CPA6: variants seen among roughly 807,000 people sequenced by gnomAD.
CPA6 encodes the protein carboxypeptidase A6.
A neutral mutation model predicts 63.3 loss-of-function variants in CPA6; 58 were observed. The ratio of observed to expected loss-of-function variants is 0.92; its 90% CI spans 0.74 to 1.14. The LOEUF (loss-of-function observed/expected upper bound fraction) is 1.14. Ranked by LOEUF, CPA6 falls within the 50% of genes most tolerant of loss-of-function variation. CPA6 has a pLI of 0.00. For missense variants in CPA6, 565 were observed against 526.6 expected (o/e 1.07, Z -0.71); for synonymous variants, 185 against 179.0 (o/e 1.03, Z -0.27).
In CPA6 at chr8:67,545,580, T is replaced by TTTTG. The variant is rs1554672939; in HGVS notation, c.193-27534_193-27533insCAAA. On this transcript the variant is annotated intron_variant, in intron 2 of 10. Transcript: ENST00000297770. ...TACTGTTACTTTTTTTTTTTTTTTT[T>TTTTG]TTTTGAGATGGAGTTTTGCTCTTGT... Among the ~76,000 whole-genome samples, 99 of 125,658 alleles carry TTTTG rather than the reference T, an allele frequency of 7.9e-4. 2 individuals are homozygous for TTTTG. Among genetic ancestry groups the TTTTG allele is most frequent in the African/African-American group, 2.3e-3 (86 of 37,850 alleles). The allele number at this position is 125,658 out of a possible 152,430, so 82.4% of individuals were successfully genotyped here. A position where few individuals can be genotyped will look rare whatever the true frequency, so the allele number is the denominator to read the frequency against.
At chr8:67,679,778 A>G (rs1816554446) in intron 1 of CPA6, among the ~76,000 whole-genome samples, 1 of 152,158 alleles carries the variant, frequency 6.6e-6, no homozygotes, top group Non-Finnish European at 1.5e-5. Flanking sequence ...CCTGTCTGCT[A>G]TTTAGAGGGC....
chr8:67,631,570 T>C (rs1184852694), intron 1 of CPA6, among the ~76,000 whole-genome samples: 2 of 151,782 alleles, frequency 1.3e-5, no homozygotes, highest in Admixed American at 1.3e-4. Context: ...ACCAATCAGC[T>C]CTCTGTAAAA....
intron 1 of CPA6, among the ~76,000 whole-genome samples, chr8:67,659,601 T>C (rs1421323062): frequency 2.0e-5 from 3 of 152,240 alleles, no homozygotes; most frequent in Non-Finnish European, 4.4e-5. Flanking sequence ...GGATTATTAT[T>C]GAAAATATAT....
chr8:67,716,731 C>A (rs1817389968), intron 1 of CPA6, among the ~76,000 whole-genome samples: 1 of 152,156 alleles, frequency 6.6e-6, no homozygotes, highest in South Asian at 2.1e-4. Context: ...AAATGGGAGG[C>A]AGGTTTGCCT....
chr8:67,484,411 T>C (rs907651240), intron 7 of CPA6, among the ~76,000 whole-genome samples: 9 of 152,280 alleles, frequency 5.9e-5, no homozygotes, highest in Non-Finnish European at 8.8e-5. Context: ...ATAGGCAAAA[T>C]TGAATGGGCT....
rs983827265 is a variant in CPA6, at chr8:67,583,252, T to A, written c.192+40924A>T. ...TGGTAGTTGCTGGTTGATCATTATT[T>A]GTTAGTATTTATGTTGTGATTGAAA... On this transcript the variant is annotated intron_variant, in intron 2 of 10. Coordinates refer to ENST00000297770, the MANE Select transcript of CPA6 (RefSeq NM_020361.5). 2.6e-5 allele frequency among the ~76,000 whole-genome samples: 4 copies of A among 152,142 alleles called. No individual in the cohort carries two copies. The East Asian group carries it at 7.7e-4, about 29-fold the overall frequency.
In CPA6 at chr8:67,670,273, G is replaced by A. The variant is rs537709546; in HGVS notation, c.117-46022C>T. ...GCCTCAGGATACTTTCCATCATGGA[G>A]GAAGGTGAGGGGGAAGCAGGCAGGT... On this transcript the variant is annotated intron_variant, in intron 1 of 10. Transcript: ENST00000297770. Among the ~76,000 whole-genome samples the A allele has an allele frequency of 6.6e-5, 10 of 152,300 alleles. No individual in the cohort carries two copies. In the South Asian group the frequency reaches 1.9e-3, roughly 28 times the overall value.
At chr8:67,453,905 A>T (rs780061935) in intron 8 of CPA6, among the ~76,000 whole-genome samples, 1 of 152,250 alleles carries the variant, frequency 6.6e-6, no homozygotes, top group Non-Finnish European at 1.5e-5. Context: ...TAAACTTGTA[A>T]TACTCAGAAG....
intron 2 of CPA6, among the ~76,000 whole-genome samples, chr8:67,575,597 C>T (rs1813602138): frequency 6.6e-6 from 1 of 152,196 alleles, no homozygotes; most frequent in Admixed American, 6.5e-5. Context: ...TGGCTCATGC[C>T]TGTAATCCCA....
At chr8:67,674,673 A>T (rs560274185) in intron 1 of CPA6, among the ~76,000 whole-genome samples, 3 of 152,320 alleles carry the variant, frequency 2.0e-5, no homozygotes, top group African/African-American at 7.2e-5. Context: ...ATTACTGGGC[A>T]TATACCTAAA....
intron 8 of CPA6, among the ~76,000 whole-genome samples, chr8:67,438,550 T>C (rs1810215092): frequency 6.6e-6 from 1 of 152,314 alleles, no homozygotes; most frequent in Non-Finnish European, 1.5e-5. Flanking sequence ...TACCATACAC[T>C]GACATACTTT....
intron 2 of CPA6, among the ~76,000 whole-genome samples, chr8:67,603,621 A>C (rs931915805): frequency 2.0e-5 from 3 of 152,208 alleles, no homozygotes; most frequent in Non-Finnish European, 4.4e-5. Context: ...ATCTATAATC[A>C]GTGTTTACTA....
At chr8:67,453,190 G>A (rs969136168) in intron 8 of CPA6, among the ~76,000 whole-genome samples, 3 of 152,166 alleles carry the variant, frequency 2.0e-5, no homozygotes, top group Non-Finnish European at 4.4e-5. Context: ...CCACATGAGA[G>A]ATGATGGTAA....
intron 2 of CPA6, among the ~76,000 whole-genome samples, chr8:67,573,638 A>C (rs762027771): frequency 5.3e-5 from 8 of 152,108 alleles, no homozygotes; most frequent in Non-Finnish European, 1.2e-4. Flanking sequence ...CACACCTGTA[A>C]TCCCAGCACT....
At chr8:67,531,231 C>G (rs1180529703) in intron 2 of CPA6, among the ~76,000 whole-genome samples, 2 of 151,574 alleles carry the variant, frequency 1.3e-5, no homozygotes, top group East Asian at 3.9e-4. Flanking sequence ...TGTAAGGTAT[C>G]TAGAAAGCAG....
intron 2 of CPA6, among the ~76,000 whole-genome samples, chr8:67,540,920 T>C (rs1812690438): frequency 6.6e-6 from 1 of 152,228 alleles, no homozygotes; most frequent in Non-Finnish European, 1.5e-5. Context: ...TTCAAGCCAG[T>C]GGATCTTAGC....
chr8:67,528,220 T>C (rs1320558274), intron 2 of CPA6, among the ~76,000 whole-genome samples: 1 of 152,148 alleles, frequency 6.6e-6, no homozygotes, highest in East Asian at 1.9e-4. Flanking sequence ...GAGAGGTAGT[T>C]TGGGACACCT....
At chr8:67,740,686 C>T (rs1470564998) in intron 1 of CPA6, among the ~76,000 whole-genome samples, 1 of 152,170 alleles carries the variant, frequency 6.6e-6, no homozygotes, top group African/African-American at 2.4e-5. Flanking sequence ...TCTCCTGCCT[C>T]AGCCTCCTGA....
intron 1 of CPA6, among the ~76,000 whole-genome samples, chr8:67,732,090 G>C (rs775248683): frequency 6.6e-6 from 1 of 152,104 alleles, no homozygotes; most frequent in Admixed American, 6.6e-5. Context: ...GCAGAATGCC[G>C]GTCCAGTCAC....
Sources: gnomAD v4.1 joint callset for allele counts (sites outside exome capture counted in the v4.1 genomes callset) on GRCh38, gnomAD v4.1.1 for gene constraint, MANE v1.5 for transcripts, NCBI Gene and HGNC (gene_info 2026-07-23, HGNC 2026-07-21) for gene names.